The following ERBB4 variants were observed in gnomAD, a reference collection of about 807,000 sequenced individuals.
ERBB4 encodes the protein erb-b2 receptor tyrosine kinase 4, also known as receptor tyrosine-protein kinase erbB-4.
ERBB4 carries 42 observed loss-of-function variants against 158.0 expected under a neutral mutation model. That is an observed-to-expected ratio of 0.27 (90% confidence interval 0.21 to 0.34). The LOEUF (loss-of-function observed/expected upper bound fraction) is 0.34. Ranked by LOEUF, ERBB4 falls within the 10% of genes least tolerant of loss-of-function variation. The pLI is 1.00. For synonymous variants in ERBB4, 583 were observed against 558.7 expected (o/e 1.04, Z -0.61); for missense variants, 1,333 against 1,624.1 (o/e 0.82, Z 3.08).
At chr2:211,971,343 C>A (rs1435355073) in intron 2 of ERBB4, among the ~76,000 whole-genome samples, 2 of 152,068 alleles carry the variant, frequency 1.3e-5, no homozygotes, top group South Asian at 2.1e-4. Flanking sequence ...TGGACTCTCC[C>A]AAAACTGAAC....
At chr2:212,222,759 T>C (rs1478186512) in intron 1 of ERBB4, among the ~76,000 whole-genome samples, 1 of 151,578 alleles carries the variant, frequency 6.6e-6, no homozygotes, top group Non-Finnish European at 1.5e-5. Context: ...TTGTTACTAA[T>C]ATTTCCTAAT....
chr2:211,984,692 T>C (rs532808577), intron 2 of ERBB4, among the ~76,000 whole-genome samples: 67 of 152,270 alleles, frequency 4.4e-4, no homozygotes, highest in African/African-American at 1.4e-3. Context: ...TTCTATCTTA[T>C]TAGAATAAAA....
intron 2 of ERBB4, among the ~76,000 whole-genome samples, chr2:212,025,529 C>G (rs1373029604): frequency 1.3e-5 from 2 of 151,772 alleles, no homozygotes; most frequent in Non-Finnish European, 3.0e-5. Flanking sequence ...GCCCATTACA[C>G]CACTAGAAAG....
At chr2:211,905,948 G>T (rs2079381210) in intron 3 of ERBB4, among the ~76,000 whole-genome samples, 1 of 151,554 alleles carries the variant, frequency 6.6e-6, no homozygotes, top group African/African-American at 2.4e-5. Flanking sequence ...GCGGCCAGGA[G>T]GCCAGGACAG....
At chr2:211,491,214 T>G (rs76494213) in intron 20 of ERBB4, among the ~76,000 whole-genome samples, 3,221 of 152,220 alleles carry the variant, frequency 0.021, 114 homozygotes, top group African/African-American at 0.071. Flanking sequence ...TTCTTTCAAG[T>G]GGTTTAGCAC....
At chr2:212,045,773 A>T (rs1030543066) in intron 2 of ERBB4, among the ~76,000 whole-genome samples, 4 of 152,196 alleles carry the variant, frequency 2.6e-5, no homozygotes, top group African/African-American at 9.7e-5. Flanking sequence ...TTTACAATCA[A>T]AGTAGTCTGC....
chr2:212,260,539 G>T (rs1322447861), intron 1 of ERBB4, among the ~76,000 whole-genome samples: 1 of 152,114 alleles, frequency 6.6e-6, no homozygotes, highest in African/African-American at 2.4e-5. Flanking sequence ...GGCCCTCTGC[G>T]CAGTGGCTCA....
intron 12 of ERBB4, among the ~76,000 whole-genome samples, chr2:211,683,250 G>A (rs1166489902): frequency 6.6e-6 from 1 of 152,048 alleles, no homozygotes; most frequent in African/African-American, 2.4e-5. Context: ...CATTGGCATT[G>A]ATATAGGCAA....
intron 16 of ERBB4, among the ~76,000 whole-genome samples, chr2:211,638,599 T>C (rs73988627): frequency 0.023 from 3,484 of 152,262 alleles, 153 homozygotes; most frequent in African/African-American, 0.08. Context: ...CTGAAGCTAA[T>C]GAATCAGAAC....
chr2:212,513,726 G>T (rs1691658837), intron 1 of ERBB4, among the ~76,000 whole-genome samples: 1 of 152,110 alleles, frequency 6.6e-6, no homozygotes, highest in African/African-American at 2.4e-5. Flanking sequence ...GCAGGAGAAT[G>T]GCATGAACCC....
chr2:211,488,680 AAAAGG>A (rs1410308443), intron 20 of ERBB4, among the ~76,000 whole-genome samples: 7 of 152,098 alleles, frequency 4.6e-5, no homozygotes, highest in Non-Finnish European at 8.8e-5. Context: ...AACTTACCTG[AAAAGG>A]AAAGTAGTCT....
intron 19 of ERBB4, among the ~76,000 whole-genome samples, chr2:211,615,227 A>G (rs2069341283): frequency 6.6e-6 from 1 of 152,026 alleles, no homozygotes; most frequent in Non-Finnish European, 1.5e-5. Flanking sequence ...AACTCAGAAA[A>G]AGTGAATAGT....
chr2:212,435,942 C>A (rs766297155), intron 1 of ERBB4, among the ~76,000 whole-genome samples: 1 of 151,550 alleles, frequency 6.6e-6, no homozygotes, highest in Non-Finnish European at 1.5e-5. Context: ...TTTGGTGTGT[C>A]CCAGAAAATT....
chr2:211,543,153 CT>C (rs953175356), intron 20 of ERBB4, among the ~76,000 whole-genome samples: 7 of 151,916 alleles, frequency 4.6e-5, no homozygotes, highest in East Asian at 1.9e-4. Flanking sequence ...TAGTCCACCC[CT>C]ATTAAGTTTA....
intron 20 of ERBB4, among the ~76,000 whole-genome samples, chr2:211,462,424 T>C (rs1234305813): frequency 1.3e-5 from 2 of 152,230 alleles, no homozygotes; most frequent in Non-Finnish European, 2.9e-5. Flanking sequence ...CTAATGGAAA[T>C]ACAAGTGAAA....
chr2:212,158,901 A>G (rs946774084), intron 1 of ERBB4, among the ~76,000 whole-genome samples: 1 of 152,078 alleles, frequency 6.6e-6, no homozygotes, highest in Non-Finnish European at 1.5e-5. Context: ...ATTATAGCAT[A>G]CAGAGTGGAA....
At chr2:212,392,536 C>A (rs2090908002) in intron 1 of ERBB4, among the ~76,000 whole-genome samples, 1 of 151,940 alleles carries the variant, frequency 6.6e-6, no homozygotes, top group Non-Finnish European at 1.5e-5. Context: ...TGCTAGGTAA[C>A]AAAGATATAC....
chr2:212,165,935 A>C (rs7568626), intron 1 of ERBB4, among the ~76,000 whole-genome samples: 92,706 of 151,866 alleles, frequency 0.61, 29,416 homozygotes, highest in African/African-American at 0.68. Context: ...TTTAATCAAA[A>C]ACTGTATTTG....
intron 20 of ERBB4, among the ~76,000 whole-genome samples, chr2:211,474,793 A>G (rs2064914572): frequency 6.6e-6 from 1 of 152,110 alleles, no homozygotes; most frequent in Admixed American, 6.6e-5. Context: ...TAGAAAGTCT[A>G]GAGTGAATGA....
Sources: allele counts gnomAD v4.1 joint callset (sites outside exome capture counted in the v4.1 genomes callset), GRCh38; gene constraint gnomAD v4.1.1; transcripts MANE v1.5; gene names NCBI Gene and HGNC (gene_info 2026-07-23, HGNC 2026-07-21).